CACNG4: variants seen among roughly 807,000 people sequenced by gnomAD.
The protein encoded by CACNG4 is voltage-dependent calcium channel gamma-4 subunit.
In CACNG4, 8 loss-of-function variants were observed where a neutral mutation model predicts 22.9. The ratio of observed to expected loss-of-function variants is 0.35; its 90% confidence interval spans 0.21 to 0.63. The LOEUF (loss-of-function observed/expected upper bound fraction) is 0.63, where lower values mean the gene tolerates loss of function less well. Ranked by LOEUF, CACNG4 falls within the 30% of genes least tolerant of loss-of-function variation. The pLI, the probability that CACNG4 is intolerant of heterozygous loss-of-function variation, is 0.72. For missense variants in CACNG4, 357 were observed against 455.4 expected (o/e 0.78, Z 1.97); for synonymous variants, 188 against 191.9 (o/e 0.98, Z 0.17).
In CACNG4 at chr17:67,032,355, C is replaced by A; in HGVS notation, c.*1351C>A. On this transcript the variant is annotated 3_prime_UTR_variant, in exon 4 of 4. Transcript: ENST00000262138. ...AAGAAGAACTCTCCAGAACATGGAACTTAACCCTCTTTTGTATAAAACATG... is the reference window on the plus strand; with the variant it reads ...AAGAAGAACTCTCCAGAACATGGAAATTAACCCTCTTTTGTATAAAACATG... 1 of 236,398 alleles carries A rather than the reference C, an allele frequency of 4.2e-6. No homozygotes were observed. Among genetic ancestry groups the A allele is most frequent in the South Asian group, 6.0e-5 (1 of 16,662 alleles). 14.6% of individuals were successfully genotyped at this position (236,398 alleles called of 1,614,324 possible).
intron 1 of CACNG4, among the ~76,000 whole-genome samples, chr17:66,971,774 G>T (rs1490480968): frequency 6.6e-6 from 1 of 152,172 alleles, no homozygotes; most frequent in African/African-American, 2.4e-5. Context: ...GAGGATGGAG[G>T]AGAGGGAGCA....
At chr17:66,994,474 G>A (rs1228497463) in intron 1 of CACNG4, among the ~76,000 whole-genome samples, 11 of 152,210 alleles carry the variant, frequency 7.2e-5, no homozygotes, top group African/African-American at 2.7e-4. Context: ...GCTATTCAGA[G>A]CAGGAAGGTG....
At chr17:67,018,116 A>G (rs1307337260) in intron 1 of CACNG4, 73 bp from the exon 2 acceptor site, 3 of 1,145,540 alleles carry the variant, frequency 2.6e-6, no homozygotes, top group East Asian at 2.3e-5. Flanking sequence ...ACACATGGCA[A>G]CCGTGTCTGG....
intron 1 of CACNG4, among the ~76,000 whole-genome samples, chr17:66,987,912 T>C (rs1363179496): frequency 6.6e-6 from 1 of 152,060 alleles, no homozygotes; most frequent in African/African-American, 2.4e-5. Flanking sequence ...TGCCGGTTCA[T>C]GCACGATGTT....
chr17:66,977,107 A>C (rs2035242656), intron 1 of CACNG4, among the ~76,000 whole-genome samples: 1 of 151,332 alleles, frequency 6.6e-6, no homozygotes, highest in African/African-American at 2.4e-5. Context: ...ATCTCAGAGC[A>C]CTCCCAGCTC....
intron 1 of CACNG4, among the ~76,000 whole-genome samples, chr17:66,969,150 A>G (rs1184388665): frequency 6.6e-6 from 1 of 152,254 alleles, no homozygotes; most frequent in Non-Finnish European, 1.5e-5. Context: ...TACTCTTGCC[A>G]GGGACAGAAG....
At chr17:66,986,834 G>A (rs1478865621) in intron 1 of CACNG4, among the ~76,000 whole-genome samples, 1 of 152,168 alleles carries the variant, frequency 6.6e-6, no homozygotes. Context: ...AAGAACACCA[G>A]TCATACTGGA....
At position 67,030,864 on chromosome 17, in the gene CACNG4, G is replaced by A; in HGVS notation, c.844G>A (p.Glu282Lys). 1.2e-6 allele frequency: 2 copies of A among 1,613,090 alleles called. No homozygotes were observed. Among genetic ancestry groups the A allele is most frequent in the Non-Finnish European group, 1.7e-6 (2 of 1,180,016 alleles). ...GELSMYTLSR[E>K]PLKVTTAASY... ...GCTGTCCATGTACACGCTGTCCAGGGAGCCCCTCAAGGTGACCACCGCAGC... is the reference window on the plus strand; with the variant it reads ...GCTGTCCATGTACACGCTGTCCAGGAAGCCCCTCAAGGTGACCACCGCAGC... Residue 282 changes from glutamate to lysine, a missense_variant, in exon 4 of 4, where the codon GAG (glutamate) becomes AAG (lysine). Physicochemically the swap from Glu to Lys is moderately conservative, Grantham distance 56. Transcript: ENST00000262138. This position sits in a 1 kb window ranked among gnomAD's most constrained non-coding sequence, Gnocchi z 6.4.
At chr17:67,028,581 A>C (rs760983159) in intron 3 of CACNG4, among the ~76,000 whole-genome samples, 3 of 152,108 alleles carry the variant, frequency 2.0e-5, no homozygotes, top group African/African-American at 4.8e-5. Flanking sequence ...CAGAAAAAAA[A>C]CGCAATGGAT....
At chr17:66,996,991 C>A (rs753597026) in intron 1 of CACNG4, among the ~76,000 whole-genome samples, 2 of 152,112 alleles carry the variant, frequency 1.3e-5, no homozygotes, top group African/African-American at 2.4e-5. Flanking sequence ...AGCATGAGCT[C>A]CCTGCGGAGC....
chr17:66,998,809 C>T (rs889193821), intron 1 of CACNG4, among the ~76,000 whole-genome samples: 1 of 152,242 alleles, frequency 6.6e-6, no homozygotes, highest in African/African-American at 2.4e-5. Context: ...TGCCTTCTCA[C>T]ATGAGCCCCT....
chr17:66,983,127 A>T (rs1385418588), intron 1 of CACNG4, among the ~76,000 whole-genome samples: 1 of 152,152 alleles, frequency 6.6e-6, no homozygotes, highest in East Asian at 1.9e-4. Context: ...AGTTGATAAC[A>T]GTGGTAGCTA....
intron 2 of CACNG4, chr17:67,021,871 C>T (rs1310600791): frequency 1.3e-5 from 2 of 152,250 alleles, no homozygotes; most frequent in African/African-American, 4.8e-5. Flanking sequence ...GGCTGGACTT[C>T]AGCCTCACTC....
intron 1 of CACNG4, among the ~76,000 whole-genome samples, chr17:66,976,670 G>A (rs2035238467): frequency 6.9e-6 from 1 of 144,848 alleles, no homozygotes; most frequent in Non-Finnish European, 1.5e-5. Context: ...CCCACCCCCA[G>A]GGTTCTGTGA....
chr17:67,006,712 A>G (rs1267421395), intron 1 of CACNG4, among the ~76,000 whole-genome samples: 3 of 152,186 alleles, frequency 2.0e-5, no homozygotes, highest in African/African-American at 7.2e-5. Flanking sequence ...CAGCTAGGTC[A>G]TAAGCTCTCC....
chr17:67,019,853 T>C (rs1465621922), intron 2 of CACNG4: 4 of 152,216 alleles, frequency 2.6e-5, no homozygotes, highest in Non-Finnish European at 5.9e-5. Context: ...TGGATTGGCT[T>C]CAAGATGCAG....
At chr17:66,965,973 G>T (rs2035167842) in intron 1 of CACNG4, among the ~76,000 whole-genome samples, 1 of 152,138 alleles carries the variant, frequency 6.6e-6, no homozygotes, top group African/African-American at 2.4e-5. Context: ...ACCGATCTGC[G>T]GACCGGGAAC....
chr17:66,984,860 G>A lies in CACNG4; in HGVS notation c.220+19729G>A, dbSNP rs1425396022. Among the ~76,000 whole-genome samples the A allele has an allele frequency of 1.3e-5, 2 of 152,168 alleles. No homozygotes were observed. The highest frequency in any genetic ancestry group is 1.3e-4 in the Admixed American group (2 of 15,282). The stretch of plus-strand genomic sequence containing the variant: ...TAGCCTCGAGCCTGAGCCTGCCTCA[G>A]GGTCCCCAGGGTTACCAGGCTGGGA... On this transcript the variant is annotated intron_variant, in intron 1 of 3. Transcript: ENST00000262138. This position sits in a 1 kb window ranked among gnomAD's most constrained non-coding sequence, Gnocchi z 4.0.
rs2035293680 is a variant in CACNG4 at position 66,984,394 on chromosome 17, T to C, written c.220+19263T>C. ...TCTCAAAACAAAAACAAAAAACAAA[T>C]ATAGGTCTGGGATGACAAAGACTCA... On this transcript the variant is annotated intron_variant, in intron 1 of 3. Coordinates refer to ENST00000262138, the MANE Select transcript of CACNG4 (RefSeq NM_014405.4). The surrounding 1 kb of genome is among the most constrained non-coding windows in gnomAD (Gnocchi z 4.0). Among the ~76,000 whole-genome samples, 1 of 151,814 alleles carries C rather than the reference T, an allele frequency of 6.6e-6. No homozygotes were observed. The highest frequency in any genetic ancestry group is 1.5e-5 in the Non-Finnish European group (1 of 67,960).
Sources: allele counts gnomAD v4.1 joint callset (sites outside exome capture counted in the v4.1 genomes callset), GRCh38; gene constraint gnomAD v4.1.1; non-coding constraint Gnocchi (gnomAD v3.1); transcripts MANE v1.5; gene names NCBI Gene and HGNC (gene_info 2026-07-23, HGNC 2026-07-21).